PCLO: variants seen among roughly 807,000 people sequenced by gnomAD.
The protein encoded by PCLO is protein piccolo.
Under a neutral mutation model 427.5 loss-of-function variants are expected in PCLO, and 82 were observed. The observed-to-expected ratio is 0.19, with a 90% CI of 0.16 to 0.23. PCLO has a LOEUF of 0.23. Among genes scored for constraint, PCLO ranks in the 10% least tolerant of loss-of-function variants. The pLI is 1.00. For synonymous variants in PCLO, 2,357 were observed against 2,155.4 expected (o/e 1.09, Z -2.59); for missense variants, 6,239 against 6,115.9 (o/e 1.02, Z -0.67).
At position 82,891,068 on chromosome 7, in the gene PCLO, TCTC is replaced by T. The variant is rs372533064; in HGVS notation, c.13528+11580_13528+11582del. ...GTAATACATTTAATTCAAAAAATCT[TCTC>T]CTATATTTGACAGAGGGCTTATTGC... On this transcript the variant is annotated intron_variant, in intron 9 of 24. Coordinates refer to ENST00000333891, the MANE Select transcript of PCLO (RefSeq NM_033026.6). 4.2e-4 allele frequency among the ~76,000 whole-genome samples: 64 copies of T among 152,200 alleles called. No individual in the cohort carries two copies. The East Asian group carries it at 0.011, about 27-fold the overall frequency.
In PCLO at chr7:82,955,577, CT is replaced by C; in HGVS notation, c.5375del (p.Gln1792ArgfsTer4). 6.2e-7 allele frequency: 1 copy of C among 1,613,948 alleles called. No homozygotes were observed. The highest frequency in any genetic ancestry group is 8.5e-7 in the Non-Finnish European group (1 of 1,179,858). ...TTCTTTGTTGCTGTTCTATTTCCCT[CT>C]GCTTTTCTTGCTCCTTTAATAATTC... ...EEELLKEQEKQREIEQQQRKS... is the reference protein window; with the variant it reads ...EEELLKEQEKXREIEQQQRKS... On this transcript the variant is annotated frameshift_variant, in exon 5 of 25. Coordinates refer to ENST00000333891, the MANE Select transcript of PCLO (RefSeq NM_033026.6). LOFTEE classifies it high-confidence loss of function.
At position 83,135,617 on chromosome 7, in the gene PCLO, C is replaced by T. The variant is rs532617646; in HGVS notation, c.1933G>A (p.Ala645Thr). ...ACTGGAGCCAGATCCCCGCCTAGAGCTCTTTTCATTTGACAGTTCAAACAG... is the reference window on the plus strand; with the variant it reads ...ACTGGAGCCAGATCCCCGCCTAGAGTTCTTTTCATTTGACAGTTCAAACAG... Reference protein sequence around the residue: ...WLCLNCQMKRALGGDLAPVPS... With the variant: ...WLCLNCQMKRTLGGDLAPVPS... The change falls in exon 3 of 25, where the codon GCT becomes ACT. Residue 645 changes from alanine to threonine, a missense_variant. Coordinates refer to ENST00000333891, the MANE Select transcript of PCLO (RefSeq NM_033026.6). 6.2e-7 allele frequency: 1 copy of T among 1,610,040 alleles called. No homozygotes were observed. Among genetic ancestry groups the T allele is most frequent in the South Asian group, 1.1e-5 (1 of 90,438 alleles).
At chr7:83,078,642 C>T (rs1314786869) in intron 3 of PCLO, among the ~76,000 whole-genome samples, 1 of 151,888 alleles carries the variant, frequency 6.6e-6, no homozygotes, top group East Asian at 1.9e-4. Flanking sequence ...AGCAATTCTC[C>T]TGCCTCAGCC....
At chr7:82,993,566 G>A (rs1796426753) in intron 3 of PCLO, among the ~76,000 whole-genome samples, 2 of 151,880 alleles carry the variant, frequency 1.3e-5, no homozygotes, top group Admixed American at 1.3e-4. Context: ...CAGCAAATGA[G>A]ACTTTTTTTT....
intron 3 of PCLO, among the ~76,000 whole-genome samples, chr7:83,001,973 C>T (rs1026662734): frequency 1.3e-5 from 2 of 152,022 alleles, no homozygotes; most frequent in African/African-American, 2.4e-5. Flanking sequence ...ACCACAGGGA[C>T]TCTATGCCCA....
chr7:82,791,140 T>G (rs558188199), intron 22 of PCLO, among the ~76,000 whole-genome samples: 16 of 152,320 alleles, frequency 1.1e-4, no homozygotes, highest in Non-Finnish European at 1.5e-4. Flanking sequence ...GTTCACCAGA[T>G]TTTTTAAAGG....
intron 3 of PCLO, among the ~76,000 whole-genome samples, chr7:83,129,179 C>T (rs1197449410): frequency 6.6e-6 from 1 of 152,088 alleles, no homozygotes; most frequent in African/African-American, 2.4e-5. Flanking sequence ...ACTCATTCTC[C>T]TAATCTCTAA....
intron 6 of PCLO, among the ~76,000 whole-genome samples, chr7:82,921,183 T>A (rs1431907857): frequency 6.6e-6 from 1 of 151,890 alleles, no homozygotes; most frequent in Non-Finnish European, 1.5e-5. Context: ...GGTATTTCTA[T>A]CAAACTACCA....
chr7:82,862,566 CAAA>C (rs36075501), intron 10 of PCLO, among the ~76,000 whole-genome samples: 3 of 92,230 alleles, frequency 3.3e-5, no homozygotes, highest in Admixed American at 1.2e-4. Context: ...GACTCTGCCT[CAAA>C]AAAAAAAAAA....
intron 3 of PCLO, among the ~76,000 whole-genome samples, chr7:82,992,604 TAA>T: frequency 6.6e-6 from 1 of 151,860 alleles, no homozygotes; most frequent in African/African-American, 2.4e-5. Context: ...GGGTGTGGGA[TAA>T]AGGGAAGGAG....
At chr7:82,971,874 A>G (rs1795915462) in intron 3 of PCLO, among the ~76,000 whole-genome samples, 1 of 151,426 alleles carries the variant, frequency 6.6e-6, no homozygotes, top group Non-Finnish European at 1.5e-5. Flanking sequence ...GGATGCTTTA[A>G]GACTGCTTCC....
intron 3 of PCLO, among the ~76,000 whole-genome samples, chr7:83,047,595 G>A (rs1789135181): frequency 1.3e-5 from 2 of 151,878 alleles, no homozygotes; most frequent in African/African-American, 2.4e-5. Context: ...ATGTATATAT[G>A]TATCTTTACA....
intron 3 of PCLO, among the ~76,000 whole-genome samples, chr7:83,102,515 G>A (rs560905301): frequency 3.9e-4 from 59 of 151,916 alleles, no homozygotes; most frequent in African/African-American, 5.8e-4. Flanking sequence ...TACAGACTTC[G>A]GAATTTGAAA....
At chr7:83,131,935 GTATATGTA>G (rs1342566607) in intron 3 of PCLO, among the ~76,000 whole-genome samples, 1 of 151,906 alleles carries the variant, frequency 6.6e-6, no homozygotes. Context: ...ATACATAAGG[GTATATGTA>G]TATATGTTTA....
At chr7:82,865,194 G>T (rs1173822557) in intron 10 of PCLO, among the ~76,000 whole-genome samples, 1 of 151,940 alleles carries the variant, frequency 6.6e-6, no homozygotes, top group Non-Finnish European at 1.5e-5. Flanking sequence ...GCCACCTGTA[G>T]AACCACACAA....
intron 22 of PCLO, among the ~76,000 whole-genome samples, chr7:82,800,803 T>G (rs1387841327): frequency 6.6e-6 from 1 of 151,894 alleles, no homozygotes; most frequent in Non-Finnish European, 1.5e-5. Flanking sequence ...GCCATGTTGG[T>G]CTCGAACTCC....
chr7:82,956,537 T>C lies in PCLO; in HGVS notation c.4416A>G (p.Gln1472=). Residue 1472 remains glutamine (Q), a synonymous_variant, in exon 5 of 25, where the codon CAA becomes CAG. Coordinates refer to ENST00000333891, the MANE Select transcript of PCLO (RefSeq NM_033026.6). Reference sequence around the variant, plus strand: ...TTTTAAAAGTGTCTTTCCTTTCTTCTTGACTCTCTTTGATCTCCTCTTCTG... The same window carrying C: ...TTTTAAAAGTGTCTTTCCTTTCTTCCTGACTCTCTTTGATCTCCTCTTCTG... The part of the protein sequence containing the change: ...TISEEEIKES[Q]EERKDTFKKD... 1 of 1,612,650 alleles carries C rather than the reference T, an allele frequency of 6.2e-7. No homozygotes were observed. The highest frequency in any genetic ancestry group is 8.5e-7 in the Non-Finnish European group (1 of 1,179,628).
rs1199765167 is a variant in PCLO, at chr7:82,956,869, C to T, written c.4084G>A (p.Asp1362Asn). Residue 1362 changes from aspartate (D) to asparagine (N), a missense_variant, in exon 5 of 25, where the codon GAC becomes AAC. Around this residue, in one of 5 missense-constraint regions of PCLO, gnomAD observed 4,677 missense variants for 4,468.4 expected, o/e 1.05. Coordinates refer to ENST00000333891, the MANE Select transcript of PCLO (RefSeq NM_033026.6). The part of the protein sequence containing the change: ...QQPKSPQGLS[D>N]TGYSSDGISS... ...ATTCCATCGGAAGAATATCCCGTGT[C>T]GCTCAGACCTTGGGGGCTTTTAGGC... The T allele has an allele frequency of 6.2e-6, 10 of 1,613,620 alleles. No homozygotes were observed. Among genetic ancestry groups the T allele is most frequent in the South Asian group, 2.2e-5 (2 of 91,050 alleles).
chr7:83,143,660 A>C (rs924171296), intron 2 of PCLO, among the ~76,000 whole-genome samples: 6 of 150,788 alleles, frequency 4.0e-5, no homozygotes, highest in Non-Finnish European at 8.9e-5. Context: ...AAAAAAAAAA[A>C]ACCTGACACT....
Sources: gnomAD v4.1 joint callset for allele counts (sites outside exome capture counted in the v4.1 genomes callset) on GRCh38, gnomAD v4.1.1 for gene constraint, gnomAD v4.1.1 regional missense constraint, MANE v1.5 for transcripts, NCBI Gene and HGNC (gene_info 2026-07-23, HGNC 2026-07-21) for gene names.